The following LRRC27 variants were observed in gnomAD, a reference collection of about 807,000 sequenced individuals.
LRRC27 encodes leucine rich repeat containing 27.
Under a neutral mutation model 55.0 loss-of-function variants are expected in LRRC27, and 57 were observed. The ratio of observed to expected loss-of-function variants is 1.04; its 90% CI spans 0.84 to 1.29. The LOEUF (loss-of-function observed/expected upper bound fraction) is 1.29, where lower values mean the gene tolerates loss of function less well. LRRC27 is among the 50% of genes most tolerant of loss of function. The pLI, the probability that LRRC27 is intolerant of heterozygous loss-of-function variation, is 0.00. For missense variants in LRRC27, 721 were observed against 651.5 expected, an observed-to-expected ratio of 1.11 and a Z score of -1.16; for synonymous variants, 278 against 251.9, an observed-to-expected ratio of 1.10 and a Z score of -0.98.
chr10:132,344,754 C>A, intron 5 of LRRC27, 104 bp downstream of exon 5: 2 of 1,308,008 alleles, frequency 1.5e-6, no homozygotes, highest in Non-Finnish European at 2.1e-6. Context: ...CTGAGAAATA[C>A]AGGAGCCATG....
intron 2 of LRRC27, chr10:132,336,737 A>G (rs1590593582): frequency 1.3e-6 from 1 of 762,384 alleles, no homozygotes; most frequent in Non-Finnish European, 2.4e-6. Flanking sequence ...CTAGATGTGG[A>G]TCCAGGCAGT....
Position 132,336,667 on chromosome 10 carries a change from C to G in LRRC27, c.211-898C>G. 4.4e-6 allele frequency: 3 copies of G among 677,242 alleles called. No homozygotes were observed. In the South Asian group the frequency reaches 4.9e-5, roughly 11 times the overall value. 42.0% of individuals were successfully genotyped at this position (677,242 alleles called of 1,614,324 possible). A position where few individuals can be genotyped will look rare whatever the true frequency, so the allele number is the denominator to read the frequency against. On this transcript the variant is annotated intron_variant, in intron 2 of 10. Transcript: ENST00000368614. The stretch of plus-strand genomic sequence containing the variant: ...TTGCCCCGTCTCACAGATGAGGACA[C>G]TGGAGCACAGAGAGGTTCAGGAACT...
At chr10:132,364,590 A>G (rs1246897851) in intron 9 of LRRC27, among the ~76,000 whole-genome samples, 11 of 15,452 alleles carry the variant, frequency 7.1e-4, no homozygotes, top group African/African-American at 2.0e-3. Flanking sequence ...GGGGCCCCAC[A>G]CTCAGGCAGT....
Position 132,355,899 on chromosome 10 carries a change from C to T in LRRC27, c.1170+13C>T, listed in dbSNP as rs373005655. ...GCGGAGGAGCATGGTACGGCACGCG[C>T]GGGCGGTGACCGGGCACTAGTCCAG... On this transcript the variant is annotated intron_variant, in intron 8 of 10. Coordinates refer to ENST00000368614, the MANE Select transcript of LRRC27 (RefSeq NM_030626.3). 21 of 1,545,166 alleles carry T rather than the reference C, an allele frequency of 1.4e-5. No homozygotes were observed. The highest frequency in any genetic ancestry group is 2.4e-5 in the South Asian group (2 of 83,936).
At chr10:132,361,660 G>T in intron 9 of LRRC27, 85 bp downstream of exon 9, 2 of 957,476 alleles carry the variant, frequency 2.1e-6, no homozygotes, top group Non-Finnish European at 3.3e-6. Context: ...TCATGAGCAT[G>T]CACTGAGGAG....
chr10:132,352,859 C>T (rs769729627), intron 7 of LRRC27: 5 of 1,613,260 alleles, frequency 3.1e-6, no homozygotes, highest in Non-Finnish European at 2.5e-6. Flanking sequence ...TGTTCTTTTC[C>T]CTCATTTCTT....
chr10:132,345,932 T>C (rs1590635118), intron 5 of LRRC27, among the ~76,000 whole-genome samples: 1 of 152,184 alleles, frequency 6.6e-6, no homozygotes, highest in African/African-American at 2.4e-5. Context: ...AGGACAAATA[T>C]GATAAAGGAC....
chr10:132,333,432 C>T (rs2066930923), intron 1 of LRRC27, 45 bp from the exon 2 acceptor site: 5 of 864,376 alleles, frequency 5.8e-6, no homozygotes, highest in Non-Finnish European at 8.4e-6. Flanking sequence ...TGTTTTGCCT[C>T]GGTATAATTA....
At chr10:132,332,770 A>G (rs1243619253) in intron 1 of LRRC27, among the ~76,000 whole-genome samples, 1 of 151,800 alleles carries the variant, frequency 6.6e-6, no homozygotes. Flanking sequence ...TCCCTAACTG[A>G]TCTGCGCCTC....
At position 132,355,929 on chromosome 10, in the gene LRRC27, G is replaced by A. The variant is rs200561252; in HGVS notation, c.1170+43G>A. On this transcript the variant is annotated intron_variant, in intron 8 of 10. Transcript: ENST00000368614. ...GGTGACCGGGCACTAGTCCAGTCCC[G>A]GGGGTGGGTGGGTGCTCACAGGCAT... 1,921 of 1,388,824 alleles carry A rather than the reference G, an allele frequency of 1.4e-3. 1 individual carries two copies. Among genetic ancestry groups the A allele is most frequent in the Non-Finnish European group, 1.8e-3 (1,763 of 1,001,036 alleles). 86.0% of individuals were successfully genotyped at this position (1,388,824 alleles called of 1,614,324 possible). A position where few individuals can be genotyped will look rare whatever the true frequency, so the allele number is the denominator to read the frequency against.
intron 10 of LRRC27, among the ~76,000 whole-genome samples, chr10:132,373,328 CGGAG>C (rs983319901): frequency 2.0e-5 from 3 of 152,076 alleles, no homozygotes; most frequent in African/African-American, 7.2e-5. Flanking sequence ...CGAGAGCAGA[CGGAG>C]GGAGAAGGTG....
At chr10:132,342,370 T>A (rs2067456388) in intron 4 of LRRC27, 99 bp downstream of exon 4, 1 of 785,540 alleles carries the variant, frequency 1.3e-6, no homozygotes, top group Non-Finnish European at 2.0e-6. Context: ...GAGGGTAAGC[T>A]AGATATTTTA....
At chr10:132,345,924 G>A (rs1213585228) in intron 5 of LRRC27, among the ~76,000 whole-genome samples, 1 of 152,374 alleles carries the variant, frequency 6.6e-6, no homozygotes, top group Non-Finnish European at 1.5e-5. Context: ...CCTGGGCCAG[G>A]ACAAATATGA....
rs1323141166 is a variant in LRRC27, at chr10:132,344,536, T to C, written c.439T>C (p.Cys147Arg). ...GCTGAAAGCACTGAACCTAAGACAC[T>C]GCCCTCTGGAATTCCCTCCTCAGCT... is the stretch of plus-strand genomic sequence containing the variant. ...TTLKALNLRH[C>R]PLEFPPQLVV... The change falls in exon 5 of 11, where the codon TGC becomes CGC. Residue 147 changes from cysteine to arginine, a missense_variant. Cys to Arg is a radical substitution (Grantham distance 180). Coordinates refer to ENST00000368614, the MANE Select transcript of LRRC27 (RefSeq NM_030626.3). 1.2e-6 allele frequency: 2 copies of C among 1,614,084 alleles called. No homozygotes were observed. The highest frequency in any genetic ancestry group is 1.7e-6 in the Non-Finnish European group (2 of 1,180,024).
chr10:132,347,452 C>T (rs928812928), intron 5 of LRRC27, among the ~76,000 whole-genome samples: 9 of 150,418 alleles, frequency 6.0e-5, no homozygotes, highest in Non-Finnish European at 1.3e-4. Context: ...CTCAGTGGGG[C>T]TTGTGTGGGA....
At chr10:132,368,136 C>T (rs2069138950) in intron 10 of LRRC27, among the ~76,000 whole-genome samples, 1 of 152,124 alleles carries the variant, frequency 6.6e-6, no homozygotes, top group Admixed American at 6.6e-5. Flanking sequence ...AAGTAAAAAT[C>T]TAACAAAATG....
At chr10:132,347,300 G>T (rs1564832837) in intron 5 of LRRC27, among the ~76,000 whole-genome samples, 1 of 150,774 alleles carries the variant, frequency 6.6e-6, no homozygotes, top group Non-Finnish European at 1.5e-5. Flanking sequence ...GTGTGAGAGG[G>T]TCAGGCGTGC....
intron 6 of LRRC27, chr10:132,350,464 C>T (rs2067951827): frequency 6.6e-6 from 1 of 152,354 alleles, no homozygotes; most frequent in Admixed American, 6.5e-5. Context: ...AGCACGCACC[C>T]CAGGTGACCC....
rs779585924 is a variant in LRRC27 at position 132,347,994 on chromosome 10, G to A, written c.564G>A (p.Pro188=). The A allele has an allele frequency of 1.3e-5, 21 of 1,607,268 alleles. No individual in the cohort carries two copies. Among genetic ancestry groups the A allele is most frequent in the East Asian group, 2.2e-5 (1 of 44,834 alleles). ...TTCTTACTCTCCCAGAGGCTCCACC[G>A]GTTAGAGAGATGACCCTCCGTGACC... The part of the protein sequence containing the change: ...PRNPTSQEAP[P]VREMTLRDLP... Residue 188 remains proline, a synonymous_variant, in exon 6 of 11, where the codon CCG becomes CCA. Coordinates refer to ENST00000368614, the MANE Select transcript of LRRC27 (RefSeq NM_030626.3).
Sources: allele counts gnomAD v4.1 joint callset (sites outside exome capture counted in the v4.1 genomes callset), GRCh38; gene constraint gnomAD v4.1.1; transcripts MANE v1.5; gene names NCBI Gene and HGNC (gene_info 2026-07-23, HGNC 2026-07-21).